Variants in GRIN2B observed in about 807,000 individuals in gnomAD.
The protein encoded by GRIN2B is glutamate receptor ionotropic, NMDA 2B.
In GRIN2B, 5 loss-of-function variants were observed where a neutral mutation model predicts 114.5. That is an observed-to-expected ratio of 0.04 (90% CI 0.02 to 0.09). The LOEUF is 0.09. Among genes scored for constraint, GRIN2B ranks in the 10% least tolerant of loss-of-function variants. The probability of loss-of-function intolerance (pLI) is 1.00; values close to 1 mark genes in which losing one functional copy is unlikely to be tolerated. For missense variants in GRIN2B, 1,108 were observed against 1,943.5 expected, an observed-to-expected ratio of 0.57 and a Z score of 8.08; for synonymous variants, 787 against 745.1, an observed-to-expected ratio of 1.06 and a Z score of -0.92.
chr12:13,575,956 T>TAACA (rs1035626811), intron 10 of GRIN2B, among the ~76,000 whole-genome samples: 2 of 152,240 alleles, frequency 1.3e-5, no homozygotes, highest in African/African-American at 2.4e-5. Flanking sequence ...GATGAAGTTC[T>TAACA]AACATTTAAA....
At chr12:13,606,527 A>G (rs995644801) in intron 10 of GRIN2B, among the ~76,000 whole-genome samples, 2 of 152,234 alleles carry the variant, frequency 1.3e-5, no homozygotes, top group African/African-American at 2.4e-5. Context: ...ACTGGCCATT[A>G]GGCCCCACCT....
rs1948385245 is a variant in GRIN2B at position 13,549,546 on chromosome 12, G to A, written c.*13237C>T. 6.6e-6 allele frequency: 1 copy of A among 152,116 alleles called. No individual in the cohort carries two copies. The highest frequency in any genetic ancestry group is 2.1e-4 in the South Asian group (1 of 4,820). 9.4% of individuals were successfully genotyped at this position (152,116 alleles called of 1,614,324 possible). On this transcript the variant is annotated 3_prime_UTR_variant, in exon 14 of 14. Transcript: ENST00000609686. ...GAGGCTGCCCTGCTCACTGTGGGCT[G>A]ACCAAAACTACTGACACCTTCGGAG...
chr12:13,887,273 T>C (rs1866178718), intron 2 of GRIN2B, among the ~76,000 whole-genome samples: 2 of 152,232 alleles, frequency 1.3e-5, no homozygotes, highest in African/African-American at 4.8e-5. Context: ...TAATAATTTG[T>C]AGTATTTATA....
At chr12:13,789,031 T>C (rs7301754) in intron 3 of GRIN2B, among the ~76,000 whole-genome samples, 40,561 of 152,134 alleles carry the variant, frequency 0.27, 5,735 homozygotes, top group South Asian at 0.32. Flanking sequence ...TAGCTAAACC[T>C]CTGGAGCTTC....
At chr12:13,697,356 C>A (rs1182546299) in intron 4 of GRIN2B, among the ~76,000 whole-genome samples, 2 of 152,178 alleles carry the variant, frequency 1.3e-5, no homozygotes, top group African/African-American at 4.8e-5. Context: ...GCTTCTGACA[C>A]ACTCACAGAT....
intron 3 of GRIN2B, among the ~76,000 whole-genome samples, chr12:13,767,495 G>A (rs1032476355): frequency 2.0e-5 from 3 of 152,082 alleles, no homozygotes; most frequent in African/African-American, 7.2e-5. Flanking sequence ...GACATTAAGT[G>A]GATATACACT....
intron 2 of GRIN2B, among the ~76,000 whole-genome samples, chr12:13,894,320 A>C (rs1866317578): frequency 6.6e-6 from 1 of 152,160 alleles, no homozygotes; most frequent in African/African-American, 2.4e-5. Flanking sequence ...TGAAAAATGG[A>C]AAGTAATTAA....
chr12:13,688,154 A>G (rs1187468851), intron 4 of GRIN2B, among the ~76,000 whole-genome samples: 1 of 152,156 alleles, frequency 6.6e-6, no homozygotes, highest in African/African-American at 2.4e-5. Context: ...TTTCCTTCCA[A>G]TGCCCCACGC....
chr12:13,757,958 G>A (rs2136633632), intron 3 of GRIN2B, among the ~76,000 whole-genome samples: 2 of 152,190 alleles, frequency 1.3e-5, no homozygotes, highest in East Asian at 3.9e-4. Context: ...ATAAATAAAG[G>A]ATTAAGTGCC....
intron 8 of GRIN2B, among the ~76,000 whole-genome samples, chr12:13,612,563 A>G (rs190462421): frequency 3.3e-5 from 5 of 152,342 alleles, no homozygotes; most frequent in African/African-American, 1.2e-4. Context: ...TAATTCACAA[A>G]CCAACTACAA....
intron 4 of GRIN2B, among the ~76,000 whole-genome samples, chr12:13,732,223 T>G (rs1203157007): frequency 6.6e-6 from 1 of 152,102 alleles, no homozygotes; most frequent in Admixed American, 6.6e-5. Context: ...AGATCACATA[T>G]TTCCATGCCA....
intron 5 of GRIN2B, among the ~76,000 whole-genome samples, chr12:13,632,261 A>G (rs1392092148): frequency 6.6e-6 from 1 of 152,280 alleles, no homozygotes; most frequent in East Asian, 1.9e-4. Flanking sequence ...AAATTAAGGT[A>G]GCACTTGAAT....
At chr12:13,738,658 A>G (rs1212730711) in intron 4 of GRIN2B, among the ~76,000 whole-genome samples, 1 of 152,208 alleles carries the variant, frequency 6.6e-6, no homozygotes, top group Non-Finnish European at 1.5e-5. Context: ...AAAGGAAGGA[A>G]TTCTTTCAAG....
rs111997317 is a variant in GRIN2B, at chr12:13,620,082, T to A, written c.1126-3425A>T. On this transcript the variant is annotated intron_variant, in intron 5 of 13. Transcript: ENST00000609686. The stretch of plus-strand genomic sequence containing the variant: ...ACTCCGGCATTCAGAGTAGAAGTGA[T>A]GTTTTCTAAAAGAATCAGAAGAAAT... 1.1e-4 allele frequency among the ~76,000 whole-genome samples: 16 copies of A among 152,338 alleles called. 1 individual carries two copies. Among genetic ancestry groups the A allele is most frequent in the Middle Eastern group, 3.4e-3 (1 of 294 alleles).
intron 10 of GRIN2B, among the ~76,000 whole-genome samples, chr12:13,604,392 A>G (rs1313479406): frequency 6.6e-6 from 1 of 152,216 alleles, no homozygotes; most frequent in Non-Finnish European, 1.5e-5. Flanking sequence ...TTTCTGCAAT[A>G]AAGCTGAAGA....
At chr12:13,650,349 C>CT (rs1565488844) in intron 5 of GRIN2B, among the ~76,000 whole-genome samples, 17 of 151,812 alleles carry the variant, frequency 1.1e-4, no homozygotes, top group African/African-American at 3.4e-4. Context: ...AATGTAAATT[C>CT]TCTTCTTTCA....
At chr12:13,566,577 A>G (rs769098161) in intron 13 of GRIN2B, among the ~76,000 whole-genome samples, 1 of 152,248 alleles carries the variant, frequency 6.6e-6, no homozygotes, top group Non-Finnish European at 1.5e-5. Context: ...TAACCAACAC[A>G]TGGTTAAAAC....
chr12:13,692,095 G>A (rs1195561300), intron 4 of GRIN2B, among the ~76,000 whole-genome samples: 1 of 152,186 alleles, frequency 6.6e-6, no homozygotes, highest in African/African-American at 2.4e-5. Context: ...ATCATTAAGT[G>A]AGGTAAATAA....
intron 3 of GRIN2B, among the ~76,000 whole-genome samples, chr12:13,768,927 A>C (rs1442153507): frequency 1.3e-5 from 2 of 152,084 alleles, no homozygotes; most frequent in Non-Finnish European, 2.9e-5. Flanking sequence ...CCAGCTACTC[A>C]GGAGACTGAG....
Sources: allele counts gnomAD v4.1 joint callset (sites outside exome capture counted in the v4.1 genomes callset), GRCh38; gene constraint gnomAD v4.1.1; transcripts MANE v1.5; gene names NCBI Gene and HGNC (gene_info 2026-07-23, HGNC 2026-07-21).